GNB1: variants seen among roughly 807,000 people sequenced by gnomAD.
GNB1 encodes G protein subunit beta 1, also known as guanine nucleotide-binding protein G(I)/G(S)/G(T) subunit beta-1.
A neutral mutation model predicts 42.9 loss-of-function variants in GNB1; 2 were observed. That is an observed-to-expected ratio of 0.05 (90% CI 0.02 to 0.15). The LOEUF (loss-of-function observed/expected upper bound fraction) is 0.15. GNB1 is among the 10% of genes least tolerant of loss of function. The pLI is 1.00. For missense variants in GNB1, 193 were observed against 462.2 expected (o/e 0.42, Z 5.34); for synonymous variants, 183 against 174.7 (o/e 1.05, Z -0.38).
intron 1 of GNB1, among the ~76,000 whole-genome samples, chr1:1,884,522 T>A (rs1557954873): frequency 6.6e-6 from 1 of 152,018 alleles, no homozygotes; most frequent in Non-Finnish European, 1.5e-5. Flanking sequence ...CAGAATTTTT[T>A]AAGCTTTATT....
intron 1 of GNB1, among the ~76,000 whole-genome samples, chr1:1,882,167 G>T (rs1013160253): frequency 1.3e-5 from 2 of 152,092 alleles, no homozygotes; most frequent in Non-Finnish European, 2.9e-5. Context: ...GCTAAATTGG[G>T]GCCAGGCACA....
chr1:1,875,796 C>T (rs1414008154), intron 1 of GNB1, among the ~76,000 whole-genome samples: 4 of 151,624 alleles, frequency 2.6e-5, no homozygotes, highest in Non-Finnish European at 5.9e-5. Context: ...ACACAAGGGG[C>T]GAAGGATGAA....
intron 1 of GNB1, among the ~76,000 whole-genome samples, chr1:1,873,754 G>A (rs1185296640): frequency 6.6e-6 from 1 of 152,086 alleles, no homozygotes; most frequent in Non-Finnish European, 1.5e-5. Flanking sequence ...AGAGGCAGAG[G>A]TTACAGTGAG....
intron 1 of GNB1, among the ~76,000 whole-genome samples, chr1:1,889,837 C>A (rs1570771961): frequency 6.6e-6 from 1 of 152,298 alleles, no homozygotes; most frequent in African/African-American, 2.4e-5. Context: ...AAGCCTCAGC[C>A]GACAGCCCTG....
chr1:1,852,208 T>G (rs2101529400), intron 1 of GNB1, among the ~76,000 whole-genome samples: 1 of 151,776 alleles, frequency 6.6e-6, no homozygotes, highest in East Asian at 1.9e-4. Flanking sequence ...CAGACCAGCC[T>G]AGGCAACATA....
In GNB1 at chr1:1,802,713, G is replaced by A. The variant is rs1016639843; in HGVS notation, c.430+1706C>T. On this transcript the variant is annotated intron_variant, in intron 7 of 11. Coordinates refer to ENST00000378609, the MANE Select transcript of GNB1 (RefSeq NM_002074.5). ...CAGGGGGTTGAGGTTTCAGTGAGCT[G>A]AGATTGCACCACTGTACTACAGCCT... Among the ~76,000 whole-genome samples the A allele has an allele frequency of 4.0e-5, 6 of 150,916 alleles. No individual in the cohort carries two copies. The East Asian group carries it at 1.2e-3, about 29-fold the overall frequency.
chr1:1,800,050 A>G (rs1020434169), intron 7 of GNB1, among the ~76,000 whole-genome samples: 1 of 152,222 alleles, frequency 6.6e-6, no homozygotes, highest in African/African-American at 2.4e-5. Flanking sequence ...ATACAATGAC[A>G]CTAAACATCA....
intron 2 of GNB1, among the ~76,000 whole-genome samples, chr1:1,830,173 C>T (rs1448136101): frequency 1.3e-5 from 2 of 152,130 alleles, no homozygotes; most frequent in Admixed American, 6.6e-5. Context: ...CACCAACACA[C>T]GCATACAAAG....
intron 1 of GNB1, chr1:1,839,495 A>G (rs969090471): frequency 6.6e-6 from 1 of 152,152 alleles, no homozygotes; most frequent in Non-Finnish European, 1.5e-5. Context: ...AATTAAACTG[A>G]AAAGTATGGG....
chr1:1,789,019 C>G (rs765643376), intron 10 of GNB1, 34 bp downstream of exon 10: 1 of 1,448,354 alleles, frequency 6.9e-7, no homozygotes, highest in South Asian at 1.1e-5. Flanking sequence ...ACGTAAATGT[C>G]CACAAGACAC....
At chr1:1,854,065 G>C (rs1220934479) in intron 1 of GNB1, among the ~76,000 whole-genome samples, 1 of 152,194 alleles carries the variant, frequency 6.6e-6, no homozygotes, top group Admixed American at 6.5e-5. Context: ...TAGGAAACAA[G>C]ACACAGCACT....
At chr1:1,789,680 A>G (rs1288368656) in intron 9 of GNB1, among the ~76,000 whole-genome samples, 1 of 123,700 alleles carries the variant, frequency 8.1e-6, no homozygotes, top group African/African-American at 3.0e-5. Flanking sequence ...GGGCAACAAG[A>G]GCAAAACTCC....
chr1:1,819,623 C>T (rs1015453756), intron 3 of GNB1, among the ~76,000 whole-genome samples: 20 of 151,966 alleles, frequency 1.3e-4, no homozygotes, highest in African/African-American at 4.8e-4. Flanking sequence ...ACTGCAGCCT[C>T]GACCTCCTGG....
chr1:1,842,229 G>C (rs1257114506), intron 1 of GNB1, among the ~76,000 whole-genome samples: 1 of 152,238 alleles, frequency 6.6e-6, no homozygotes, highest in Non-Finnish European at 1.5e-5. Flanking sequence ...AGCAGATTGA[G>C]ACCATCCTGG....
intron 2 of GNB1, among the ~76,000 whole-genome samples, chr1:1,838,827 T>G (rs1362867494): frequency 6.6e-6 from 1 of 152,236 alleles, no homozygotes; most frequent in Non-Finnish European, 1.5e-5. Context: ...TGTACCACTC[T>G]GATTCAGAAG....
intron 1 of GNB1, among the ~76,000 whole-genome samples, chr1:1,866,278 A>G (rs1000580584): frequency 1.3e-5 from 2 of 152,170 alleles, no homozygotes. Flanking sequence ...CCTTTCCTCC[A>G]TTCACCCCAT....
chr1:1,857,783 T>C (rs907121781), intron 1 of GNB1, among the ~76,000 whole-genome samples: 16 of 152,196 alleles, frequency 1.1e-4, no homozygotes, highest in Non-Finnish European at 1.5e-5. Context: ...TATGCTGTAT[T>C]TTTTCCTATA....
chr1:1,889,861 A>G (rs1300768293), intron 1 of GNB1, among the ~76,000 whole-genome samples: 2 of 152,194 alleles, frequency 1.3e-5, no homozygotes, highest in African/African-American at 4.8e-5. Flanking sequence ...AATTTTCAAC[A>G]GATCTCCCCA....
In GNB1 at chr1:1,790,769, G is replaced by A. The variant is rs148602047; in HGVS notation, c.498-173C>T. Among the ~76,000 whole-genome samples the A allele has an allele frequency of 4.1e-4, 62 of 152,264 alleles. No individual in the cohort carries two copies. The highest frequency in any genetic ancestry group is 1.5e-3 in the African/African-American group (62 of 41,560). ...TTTAAATGTAATACAACTTTGGAAG[G>A]GAAACAAAGCAAAGCAAGCAAAATT... On this transcript the variant is annotated intron_variant, in intron 8 of 11. Coordinates refer to ENST00000378609, the MANE Select transcript of GNB1 (RefSeq NM_002074.5). This position sits in a 1 kb window ranked among gnomAD's most constrained non-coding sequence, Gnocchi z 5.4.
Sources: allele counts gnomAD v4.1 joint callset (sites outside exome capture counted in the v4.1 genomes callset), GRCh38; gene constraint gnomAD v4.1.1; non-coding constraint Gnocchi (gnomAD v3.1); transcripts MANE v1.5; gene names NCBI Gene and HGNC (gene_info 2026-07-23, HGNC 2026-07-21).